Variants in EVI5 observed in about 807,000 individuals in gnomAD.
The protein encoded by EVI5 is ecotropic viral integration site 5 protein homolog.
Under a neutral mutation model 112.0 loss-of-function variants are expected in EVI5, and 73 were observed. The observed-to-expected ratio is 0.65, with a 90% CI of 0.54 to 0.79. EVI5 has a LOEUF of 0.79. EVI5 is among the 30% of genes least tolerant of loss of function. The pLI is 0.00. For synonymous variants in EVI5, 305 were observed against 319.9 expected, an observed-to-expected ratio of 0.95 and a Z score of 0.50; for missense variants, 900 against 968.8, an observed-to-expected ratio of 0.93 and a Z score of 0.94.
chr1:92,699,595 T>C (rs972726237), intron 5 of EVI5, among the ~76,000 whole-genome samples: 27 of 152,244 alleles, frequency 1.8e-4, no homozygotes, highest in African/African-American at 5.8e-4. Flanking sequence ...GCGAACATCA[T>C]AGAGTGCACC....
intron 19 of EVI5, among the ~76,000 whole-genome samples, chr1:92,524,140 T>C (rs1286278321): frequency 6.8e-6 from 1 of 146,992 alleles, no homozygotes; most frequent in Non-Finnish European, 1.5e-5. Context: ...CCTGGGTTTA[T>C]TATTTAAAAA....
intron 19 of EVI5, among the ~76,000 whole-genome samples, chr1:92,538,975 T>A (rs1461048620): frequency 6.6e-6 from 1 of 152,176 alleles, no homozygotes; most frequent in East Asian, 1.9e-4. Context: ...AATTAGAACT[T>A]ATCACGAAGG....
chr1:92,647,049 AC>A (rs1476150767), intron 13 of EVI5: 2 of 210,608 alleles, frequency 9.5e-6, no homozygotes, highest in East Asian at 2.2e-4. Context: ...ATTCATCATC[AC>A]CTTCTTCTTC....
intron 1 of EVI5, among the ~76,000 whole-genome samples, chr1:92,781,395 C>T (rs1270110772): frequency 1.3e-5 from 2 of 151,246 alleles, no homozygotes; most frequent in Non-Finnish European, 2.9e-5. Context: ...TAGTCGTAGT[C>T]ACAGCTACTC....
chr1:92,634,637 G>T (rs989390115), intron 14 of EVI5, among the ~76,000 whole-genome samples: 2 of 152,098 alleles, frequency 1.3e-5, no homozygotes, highest in Non-Finnish European at 2.9e-5. Context: ...TCCTCCTTTA[G>T]CTCGGAGTAG....
intron 2 of EVI5, among the ~76,000 whole-genome samples, chr1:92,722,657 T>C (rs537546323): frequency 2.6e-5 from 4 of 152,154 alleles, no homozygotes; most frequent in Non-Finnish European, 5.9e-5. Context: ...TATTTGCTCA[T>C]AACAGCCCTC....
chr1:92,738,405 C>T (rs963538202), intron 1 of EVI5, among the ~76,000 whole-genome samples: 5 of 152,044 alleles, frequency 3.3e-5, no homozygotes, highest in African/African-American at 1.2e-4. Context: ...AAAAATGGTA[C>T]ACTTTACCAA....
intron 19 of EVI5, among the ~76,000 whole-genome samples, chr1:92,520,102 T>C (rs1039404612): frequency 5.3e-5 from 8 of 152,062 alleles, no homozygotes; most frequent in Non-Finnish European, 1.0e-4. Context: ...GTTCTAAAAG[T>C]TGTGCATATA....
intron 8 of EVI5, 101 bp from the exon 9 acceptor site, chr1:92,694,000 G>T: frequency 1.3e-6 from 1 of 773,108 alleles, no homozygotes; most frequent in Non-Finnish European, 2.2e-6. Context: ...GGTGGCTCAT[G>T]CTTGTAATCT....
intron 1 of EVI5, among the ~76,000 whole-genome samples, chr1:92,762,705 A>C (rs2102998123): frequency 6.6e-6 from 1 of 152,328 alleles, no homozygotes; most frequent in South Asian, 2.1e-4. Flanking sequence ...TGAAATTATC[A>C]ACATACCACA....
chr1:92,730,601 G>A (rs1350703924), intron 2 of EVI5, among the ~76,000 whole-genome samples: 1 of 148,982 alleles, frequency 6.7e-6, no homozygotes, highest in African/African-American at 2.5e-5. Context: ...AGGATCACTT[G>A]AGCCCAGGAG....
chr1:92,522,172 A>G (rs1661038446), intron 19 of EVI5, among the ~76,000 whole-genome samples: 1 of 152,180 alleles, frequency 6.6e-6, no homozygotes, highest in Non-Finnish European at 1.5e-5. Context: ...ATCTCCTCAC[A>G]ATAGCACTGC....
chr1:92,685,401 CA>C (rs1244567183), intron 9 of EVI5, among the ~76,000 whole-genome samples: 4 of 152,150 alleles, frequency 2.6e-5, no homozygotes, highest in Non-Finnish European at 5.9e-5. Context: ...ACATTTAAAG[CA>C]GTGTGTAGAG....
At chr1:92,567,389 C>T (rs1361520926) in intron 18 of EVI5, among the ~76,000 whole-genome samples, 1 of 152,008 alleles carries the variant, frequency 6.6e-6, no homozygotes, top group African/African-American at 2.4e-5. Flanking sequence ...TAATGTAGGC[C>T]ATTCACTCAC....
rs1165123682 is a variant in EVI5 at position 92,685,940 on chromosome 1, T to TG, written c.1097+7861dup. Among the ~76,000 whole-genome samples the TG allele has an allele frequency of 6.6e-5, 10 of 152,276 alleles. No individual in the cohort carries two copies. The East Asian group carries it at 1.9e-3, about 29-fold the overall frequency. On this transcript the variant is annotated intron_variant, in intron 9 of 19. Coordinates refer to ENST00000684568, the MANE Select transcript of EVI5 (RefSeq NM_001350197.2). ...CAACCAAAAAAAGTCCAGGACCTGA[T>TG]GGATTCACAGTCAAATTCTTCCAGA... is the stretch of plus-strand genomic sequence containing the variant.
At chr1:92,692,789 T>A (rs1047255591) in intron 9 of EVI5, among the ~76,000 whole-genome samples, 1 of 152,196 alleles carries the variant, frequency 6.6e-6, no homozygotes, top group African/African-American at 2.4e-5. Flanking sequence ...CATGTTAATG[T>A]AATTTCATAT....
intron 18 of EVI5, among the ~76,000 whole-genome samples, chr1:92,567,809 A>G (rs981322836): frequency 2.0e-5 from 3 of 152,234 alleles, no homozygotes; most frequent in African/African-American, 4.8e-5. Flanking sequence ...AACAATTACT[A>G]TATTCCAAAT....
intron 14 of EVI5, among the ~76,000 whole-genome samples, chr1:92,626,300 T>C (rs1272994111): frequency 1.3e-5 from 2 of 152,212 alleles, no homozygotes; most frequent in South Asian, 2.1e-4. Flanking sequence ...AGTGGAATCA[T>C]ATGTATTTAT....
intron 2 of EVI5, among the ~76,000 whole-genome samples, chr1:92,731,657 T>C (rs992483373): frequency 6.6e-6 from 1 of 152,248 alleles, no homozygotes; most frequent in Middle Eastern, 3.4e-3. Context: ...AGTATAAGCC[T>C]ACAATAATCA....
Sources: gnomAD v4.1 joint callset for allele counts (sites outside exome capture counted in the v4.1 genomes callset) on GRCh38, gnomAD v4.1.1 for gene constraint, MANE v1.5 for transcripts, NCBI Gene and HGNC (gene_info 2026-07-23, HGNC 2026-07-21) for gene names.